Variants in OGDH observed in about 807,000 individuals in gnomAD.
The protein encoded by OGDH is 2-oxoglutarate dehydrogenase complex component E1.
In OGDH, 38 loss-of-function variants were observed where a neutral mutation model predicts 116.6. The observed-to-expected ratio is 0.33, with a 90% confidence interval of 0.25 to 0.43. The LOEUF is 0.43. Ranked by LOEUF, OGDH falls within the 20% of genes least tolerant of loss-of-function variation. OGDH has a pLI of 1.00. For synonymous variants in OGDH, 488 were observed against 533.3 expected (o/e 0.92, Z 1.17); for missense variants, 825 against 1,357.2 (o/e 0.61, Z 6.16).
rs972735470 is a variant in OGDH, at chr7:44,691,327, C to G, written c.1336-2498C>G. Among the ~76,000 whole-genome samples, 3 of 152,114 alleles carry G rather than the reference C, an allele frequency of 2.0e-5. No homozygotes were observed. The East Asian group carries it at 5.8e-4, about 29-fold the overall frequency. ...TTGCTTGAGCTCAGGAGTTCAAGAC[C>G]AGCCTGGGCAACAAAGTGAGACCCT... On this transcript the variant is annotated intron_variant, in intron 10 of 22. Transcript: ENST00000222673.
At chr7:44,649,736 G>C (rs1016800710) in intron 4 of OGDH, among the ~76,000 whole-genome samples, 5 of 152,266 alleles carry the variant, frequency 3.3e-5, no homozygotes, top group African/African-American at 7.2e-5. Flanking sequence ...AGTCTTTTAA[G>C]GGTGAGAAAC....
intron 19 of OGDH, 110 bp from the exon 20 acceptor site, chr7:44,701,433 C>A: frequency 1.2e-6 from 1 of 830,846 alleles, no homozygotes; most frequent in Non-Finnish European, 2.0e-6. Context: ...AGTGGGAGGG[C>A]AGGTGTGTTT....
chr7:44,637,735 G>A (rs1272313417), intron 2 of OGDH, among the ~76,000 whole-genome samples: 6 of 151,996 alleles, frequency 3.9e-5, no homozygotes, highest in African/African-American at 7.2e-5. Context: ...ACTTGAAACC[G>A]GGATGGGGGT....
At chr7:44,666,894 CTTGTA>C in intron 5 of OGDH, 43 bp downstream of exon 5, 1 of 1,213,250 alleles carries the variant, frequency 8.2e-7, no homozygotes, top group Non-Finnish European at 1.2e-6. Flanking sequence ...TTCTTAAGAA[CTTGTA>C]TTGGCAGGAT....
intron 2 of OGDH, among the ~76,000 whole-genome samples, chr7:44,631,809 C>G (rs977615731): frequency 1.3e-5 from 2 of 152,040 alleles, no homozygotes; most frequent in Admixed American, 1.3e-4. Context: ...TCTCTTTTCT[C>G]TCTCTCTCTC....
At chr7:44,674,271 C>G in intron 6 of OGDH, 140 bp from the exon 7 acceptor site, 3 of 977,050 alleles carry the variant, frequency 3.1e-6, no homozygotes, top group Non-Finnish European at 4.7e-6. Context: ...TCTCGAACTC[C>G]TGACCTCAGC....
chr7:44,696,847 G>A (rs1307916620), intron 14 of OGDH, 67 bp from the exon 15 acceptor site: 32 of 1,510,984 alleles, frequency 2.1e-5, no homozygotes, highest in Admixed American at 6.8e-5. Flanking sequence ...CCATGGGCAC[G>A]CTGAGAAGCA....
At chr7:44,647,474 C>A in intron 3 of OGDH, 183 bp from the exon 4 acceptor site, 3 of 1,538,528 alleles carry the variant, frequency 1.9e-6, no homozygotes, top group South Asian at 1.2e-5. Flanking sequence ...AAAACTTGAT[C>A]CTCTCGGAAT....
chr7:44,656,079 C>T (rs1786677915), intron 4 of OGDH, among the ~76,000 whole-genome samples: 1 of 152,170 alleles, frequency 6.6e-6, no homozygotes, highest in Non-Finnish European at 1.5e-5. Context: ...TCCCCTCCTT[C>T]TGATTCACCT....
intron 4 of OGDH, chr7:44,656,282 C>T: frequency 6.5e-7 from 1 of 1,535,072 alleles, no homozygotes; most frequent in Non-Finnish European, 8.7e-7. Context: ...CTTTTTCCTT[C>T]TGCGCTCACC....
chr7:44,701,525 T>A lies in OGDH; in HGVS notation c.2560-18T>A, dbSNP rs922163054. 1.9e-6 allele frequency: 3 copies of A among 1,610,552 alleles called. No homozygotes were observed. Among genetic ancestry groups the A allele is most frequent in the Non-Finnish European group, 1.7e-6 (2 of 1,176,830 alleles). ...TTCAGAATCTGATCCTTCACGAGCC[T>A]ATTGTTCTGTATTTCAGTTAATTAT... On this transcript the variant is annotated intron_variant, in intron 19 of 22. Transcript: ENST00000222673.
intron 2 of OGDH, among the ~76,000 whole-genome samples, chr7:44,629,584 T>C (rs1317228146): frequency 1.4e-5 from 2 of 144,670 alleles, no homozygotes; most frequent in East Asian, 2.0e-4. Flanking sequence ...TCTTTTCTTT[T>C]TTTTTTTTTT....
intron 9 of OGDH, chr7:44,676,404 A>T: frequency 1.4e-6 from 1 of 715,476 alleles, no homozygotes; most frequent in African/African-American, 1.8e-5. Flanking sequence ...AAAAATACAA[A>T]ATTAGCTGGG....
intron 6 of OGDH, 115 bp downstream of exon 6, chr7:44,674,056 G>A: frequency 8.0e-7 from 1 of 1,251,192 alleles, no homozygotes; most frequent in Non-Finnish European, 1.1e-6. Flanking sequence ...GGTTTGGGGT[G>A]GTACAGGCAA....
At position 44,694,643 on chromosome 7, in the gene OGDH, A is replaced by G. The variant is rs376045846; in HGVS notation, c.1668+67A>G. Reference sequence around the variant, plus strand: ...TGGCGATGACTAGAAAAGGTGGGCCACAGGGCCAGTTCTCACTTTTGCCAG... The same window carrying G: ...TGGCGATGACTAGAAAAGGTGGGCCGCAGGGCCAGTTCTCACTTTTGCCAG... On this transcript the variant is annotated intron_variant, in intron 12 of 22. Transcript: ENST00000222673. This position sits in a 1 kb window ranked among gnomAD's most constrained non-coding sequence, Gnocchi z 4.2. The G allele has an allele frequency of 3.4e-4, 535 of 1,579,836 alleles. 1 individual carries two copies. In the Middle Eastern group the frequency reaches 3.8e-3, roughly 11 times the overall value.
At chr7:44,669,042 T>C (rs1015620669) in intron 5 of OGDH, among the ~76,000 whole-genome samples, 1 of 152,094 alleles carries the variant, frequency 6.6e-6, no homozygotes, top group African/African-American at 2.4e-5. Flanking sequence ...CTTCAGTGTA[T>C]TTTCTGTTAC....
At chr7:44,641,212 T>C (rs1433322580) in intron 2 of OGDH, among the ~76,000 whole-genome samples, 13 of 105,368 alleles carry the variant, frequency 1.2e-4, no homozygotes, top group Non-Finnish European at 1.9e-4. Context: ...TTTTCTTCTT[T>C]TTTTTTTTTT....
intron 2 of OGDH, among the ~76,000 whole-genome samples, chr7:44,629,975 A>G (rs577938352): frequency 5.3e-5 from 8 of 152,234 alleles, no homozygotes; most frequent in East Asian, 1.9e-4. Flanking sequence ...GAGGGTCTCT[A>G]TGCGTTCAGA....
chr7:44,645,869 G>A (rs1786153000), intron 3 of OGDH, among the ~76,000 whole-genome samples: 1 of 152,192 alleles, frequency 6.6e-6, no homozygotes, highest in Non-Finnish European at 1.5e-5. Flanking sequence ...GACTGGGAGG[G>A]GTGGTGCTTT....
Sources: allele counts gnomAD v4.1 joint callset (sites outside exome capture counted in the v4.1 genomes callset), GRCh38; gene constraint gnomAD v4.1.1; non-coding constraint Gnocchi (gnomAD v3.1); transcripts MANE v1.5; gene names NCBI Gene and HGNC (gene_info 2026-07-23, HGNC 2026-07-21).